The following SLC12A5 variants were observed in gnomAD, a reference collection of about 807,000 sequenced individuals.
SLC12A5 encodes K-Cl cotransporter 2.
A neutral mutation model predicts 124.0 loss-of-function variants in SLC12A5; 18 were observed. The observed-to-expected ratio is 0.15, with a 90% CI of 0.10 to 0.22. The LOEUF (loss-of-function observed/expected upper bound fraction) is 0.22. Among genes scored for constraint, SLC12A5 ranks in the 10% least tolerant of loss-of-function variants. The probability of loss-of-function intolerance (pLI) is 1.00; values close to 1 mark genes in which losing one functional copy is unlikely to be tolerated. For missense variants in SLC12A5, 867 were observed against 1,478.7 expected, an observed-to-expected ratio of 0.59 and a Z score of 6.78; for synonymous variants, 589 against 568.0, an observed-to-expected ratio of 1.04 and a Z score of -0.53.
intron 13 of SLC12A5, 63 bp from the exon 14 acceptor site, chr20:46,046,275 T>C: frequency 7.1e-7 from 1 of 1,415,648 alleles, no homozygotes; most frequent in Non-Finnish European, 1.0e-6. Context: ...CTGCCCATGC[T>C]GTTGTTTCTG....
At chr20:46,034,892 A>G (rs1406114384) in intron 1 of SLC12A5, 56 bp from the exon 2 acceptor site, 14 of 1,521,242 alleles carry the variant, frequency 9.2e-6, no homozygotes, top group African/African-American at 1.4e-5. Context: ...CTGTATGCCC[A>G]GGTGGTTGGA....
Position 46,059,271 on chromosome 20 carries a change from T to A in SLC12A5, c.*1666T>A, listed in dbSNP as rs1004429409. On this transcript the variant is annotated 3_prime_UTR_variant, in exon 26 of 26. Transcript: ENST00000243964. ...GAGTAATCCGGACCTCACCACCTCTTTTCCTTTGAGCCCAAGGCAGAGCTG... is the reference window on the plus strand; with the variant it reads ...GAGTAATCCGGACCTCACCACCTCTATTCCTTTGAGCCCAAGGCAGAGCTG... 6.6e-6 allele frequency: 2 copies of A among 305,090 alleles called. No individual in the cohort carries two copies. Among genetic ancestry groups the A allele is most frequent in the African/African-American group, 4.3e-5 (2 of 46,678 alleles). 18.9% of individuals were successfully genotyped at this position (305,090 alleles called of 1,614,324 possible).
In SLC12A5 at chr20:46,041,432, C is replaced by T. The variant is rs916790849; in HGVS notation, c.958C>T (p.Leu320Phe). 1.5e-5 allele frequency: 24 copies of T among 1,614,038 alleles called. No individual in the cohort carries two copies. Among genetic ancestry groups the T allele is most frequent in the African/African-American group, 8.0e-5 (6 of 74,924 alleles). The part of the protein sequence containing the change: ...NETVTTRLWG[L>F]FCSSRFLNAT... ...GACGGTGACCACACGGCTATGGGGC[C>T]TTTTCTGCTCCTCTCGCTTCCTCAA... Residue 320 changes from leucine to phenylalanine, a missense_variant, in exon 8 of 26, where the codon CTT becomes TTT. By Grantham distance (22) the Leu-to-Phe change is conservative. Transcript: ENST00000243964.
At position 46,037,368 on chromosome 20, in the gene SLC12A5, A is replaced by G. The variant is rs1180292621; in HGVS notation, c.595A>G (p.Thr199Ala). 1.9e-6 allele frequency: 3 copies of G among 1,610,220 alleles called. No homozygotes were observed. The highest frequency in any genetic ancestry group is 1.7e-6 in the Non-Finnish European group (2 of 1,177,848). ...TFAGAMYILGTIEILLAYLFP... is the reference protein window; with the variant it reads ...TFAGAMYILGAIEILLAYLFP... ...TGCAGGAGCCATGTACATCCTGGGC[A>G]CCATCGAAATCCTGCTGGTAAGAGA... is the stretch of plus-strand genomic sequence containing the variant. The change falls in exon 6 of 26, where the codon ACC becomes GCC. Residue 199 changes from threonine to alanine, a missense_variant. By Grantham distance (58) the Thr-to-Ala change is moderately conservative. Transcript: ENST00000243964.
At chr20:46,052,905 G>A in intron 18 of SLC12A5, 52 bp from the exon 19 acceptor site, 1 of 1,533,632 alleles carries the variant, frequency 6.5e-7, no homozygotes, top group Non-Finnish European at 8.8e-7. Flanking sequence ...TGGGTGTTGG[G>A]AGAACCAGAG....
At position 46,056,421 on chromosome 20, in the gene SLC12A5, A is replaced by C; in HGVS notation, c.2967A>C (p.Pro989=). 1 of 1,613,834 alleles carries C rather than the reference A, an allele frequency of 6.2e-7. No homozygotes were observed. Among genetic ancestry groups the C allele is most frequent in the South Asian group, 1.1e-5 (1 of 91,048 alleles). The change falls in exon 23 of 26, where the codon CCA becomes CCC. Residue 989 remains proline (P), a synonymous_variant. Coordinates refer to ENST00000243964, the MANE Select transcript of SLC12A5 (RefSeq NM_020708.5). This position sits in a 1 kb window ranked among gnomAD's most constrained non-coding sequence, Gnocchi z 4.3. ...GCTGCCCCAGCAGCTCCCCGTCCCC[A>C]GGGGAGGAGCCTGAGGGGGAAGGGG... The part of the protein sequence containing the change: ...APSCPSSSPS[P]GEEPEGEGET...
intron 1 of SLC12A5, 37 bp from the exon 2 acceptor site, chr20:46,034,911 G>T: frequency 6.2e-7 from 1 of 1,600,812 alleles, no homozygotes; most frequent in East Asian, 2.2e-5. Context: ...GACAACAACT[G>T]ATTGGTTCCA....
intron 1 of SLC12A5, among the ~76,000 whole-genome samples, chr20:46,030,798 G>T (rs897743262): frequency 2.7e-5 from 4 of 149,124 alleles, no homozygotes; most frequent in African/African-American, 9.9e-5. Context: ...TCCTTTGTCT[G>T]ACTCCCCCCC....
At chr20:46,028,634 G>T (rs1340128447), upstream of SLC12A5, among the ~76,000 whole-genome samples, 1 of 152,060 alleles carries the variant, frequency 6.6e-6, no homozygotes, top group Non-Finnish European at 1.5e-5. Flanking sequence ...GGCTCTACAT[G>T]CCTCCAGCTC....
Position 46,056,950 on chromosome 20 carries a change from T to C in SLC12A5, c.3125+39T>C. ...CATTTTTTCATTCTCTCTCCTAGGA[T>C]GGCCAGGGTCCCTACCCTCCTCACT... On this transcript the variant is annotated intron_variant, in intron 24 of 25. Transcript: ENST00000243964. The surrounding 1 kb of genome is among the most constrained non-coding windows in gnomAD (Gnocchi z 4.3). 1.2e-6 allele frequency: 2 copies of C among 1,614,002 alleles called. No homozygotes were observed. The highest frequency in any genetic ancestry group is 1.7e-6 in the Non-Finnish European group (2 of 1,179,916).
intron 1 of SLC12A5, 38 bp downstream of exon 1, chr20:46,029,434 C>A: frequency 6.5e-7 from 1 of 1,541,028 alleles, no homozygotes; most frequent in South Asian, 1.2e-5. Flanking sequence ...GAGGGGGCAG[C>A]GAGGAGAGGA....
At position 46,057,200 on chromosome 20, in the gene SLC12A5, G is replaced by C. The variant is rs200558731; in HGVS notation, c.3156G>C (p.Thr1052=). 56 of 1,614,078 alleles carry C rather than the reference G, an allele frequency of 3.5e-5. No homozygotes were observed. Among genetic ancestry groups the C allele is most frequent in the Non-Finnish European group, 4.7e-5 (55 of 1,180,058 alleles). Residue 1052 remains threonine (T), a synonymous_variant, in exon 25 of 26, where the codon ACG becomes ACC. Transcript: ENST00000243964. The surrounding 1 kb of genome is among the most constrained non-coding windows in gnomAD (Gnocchi z 7.1). ...LNQSNVRRMH[T]AVRLNEVIVK... ...AGTCCAACGTGCGGCGCATGCACAC[G>C]GCCGTGCGGCTGAACGAGGTCATCG... is the stretch of plus-strand genomic sequence containing the variant.
Position 46,053,053 on chromosome 20 carries a change from G to A in SLC12A5, c.2474G>A (p.Ser825Asn), listed in dbSNP as rs777745429. The stretch of plus-strand genomic sequence containing the variant: ...AACCCTGAGCGCTTCTCTGAGGGCA[G>A]CATCGACGTTTGGTGGATTGTGCAC... Reference protein sequence around the residue: ...PGNPERFSEGSIDVWWIVHDG... With the variant: ...PGNPERFSEGNIDVWWIVHDG... The change falls in exon 19 of 26, where the codon AGC becomes AAC. Residue 825 changes from serine (S) to asparagine (N), a missense_variant. Ser to Asn is a conservative substitution (Grantham distance 46). Transcript: ENST00000243964. This position sits in a 1 kb window ranked among gnomAD's most constrained non-coding sequence, Gnocchi z 4.7. 30 of 1,614,078 alleles carry A rather than the reference G, an allele frequency of 1.9e-5. 2 individuals are homozygous for A. The highest frequency in any genetic ancestry group is 9.9e-5 in the South Asian group (9 of 91,086).
chr20:46,032,471 G>T (rs568115801), intron 1 of SLC12A5, among the ~76,000 whole-genome samples: 1 of 152,364 alleles, frequency 6.6e-6, no homozygotes, highest in African/African-American at 2.4e-5. Flanking sequence ...GGGGAGCCCC[G>T]GCTGGGTGGG....
At position 46,021,981 on chromosome 20, in the gene SLC12A5, C is replaced by CTAA; in HGVS notation, c.48+95_48+96insTAA. The CTAA allele has an allele frequency of 4.8e-6, 5 of 1,047,634 alleles. No individual in the cohort carries two copies. In the South Asian group the frequency reaches 9.0e-5, roughly 19 times the overall value. The allele number at this position is 1,047,634 out of a possible 1,614,324, so 64.9% of individuals were successfully genotyped here. A position where few individuals can be genotyped will look rare whatever the true frequency, so the allele number is the denominator to read the frequency against. On this transcript the variant is annotated intron_variant, in intron 1 of 2. Coordinates refer to the SLC12A5 transcript ENST00000413737. ...CTGTTGAAGGGGGCAGGGCCAAGAC[C>CTAA]GGGGGCGGGGAGGGGTCCCAGCCCT...
chr20:46,045,181 C>A lies in SLC12A5; in HGVS notation c.1569+41C>A, dbSNP rs1411246386. The A allele has an allele frequency of 6.6e-7, 1 of 1,525,162 alleles. No homozygotes were observed. Among genetic ancestry groups the A allele is most frequent in the African/African-American group, 1.4e-5 (1 of 72,712 alleles). The allele number at this position is 1,525,162 out of a possible 1,614,324, so 94.5% of individuals were successfully genotyped here. A position where few individuals can be genotyped will look rare whatever the true frequency, so the allele number is the denominator to read the frequency against. On this transcript the variant is annotated intron_variant, in intron 12 of 25. Coordinates refer to ENST00000243964, the MANE Select transcript of SLC12A5 (RefSeq NM_020708.5). The surrounding 1 kb of genome is among the most constrained non-coding windows in gnomAD (Gnocchi z 4.9). ...GAACAGCCCACCCTCAGTAGACCAGCCAGGCCCCTGCCCAGAGAGACCACA... is the reference window on the plus strand; with the variant it reads ...GAACAGCCCACCCTCAGTAGACCAGACAGGCCCCTGCCCAGAGAGACCACA...
intron 1 of SLC12A5, among the ~76,000 whole-genome samples, chr20:46,032,934 A>G (rs2084466410): frequency 6.6e-6 from 1 of 152,156 alleles, no homozygotes; most frequent in Non-Finnish European, 1.5e-5. Context: ...CTGAGCACCT[A>G]TTATGTGCTG....
Position 46,056,242 on chromosome 20 carries a change from T to C in SLC12A5, c.2880T>C (p.Ala960=), listed in dbSNP as rs760701805. 9 of 1,614,028 alleles carry C rather than the reference T, an allele frequency of 5.6e-6. No homozygotes were observed. The highest frequency in any genetic ancestry group is 3.3e-5 in the South Asian group (3 of 91,088). The change falls in exon 22 of 26, where the codon GCT becomes GCC. Residue 960 remains alanine, a synonymous_variant. Coordinates refer to ENST00000243964, the MANE Select transcript of SLC12A5 (RefSeq NM_020708.5). The surrounding 1 kb of genome is among the most constrained non-coding windows in gnomAD (Gnocchi z 4.3). ...RLRLNVPEET[A]GDSEEKPEEE... ...GCCTGAACGTCCCAGAAGAGACGGC[T>C]GGTGACAGTGAAGAGAAGCCAGAGG...
At chr20:46,038,984 T>C (rs1489237254) in intron 6 of SLC12A5, among the ~76,000 whole-genome samples, 2 of 152,174 alleles carry the variant, frequency 1.3e-5, no homozygotes, top group African/African-American at 4.8e-5. Context: ...TTGTTGTAAA[T>C]GCAATTCTGC....
Sources: allele counts gnomAD v4.1 joint callset (sites outside exome capture counted in the v4.1 genomes callset), GRCh38; gene constraint gnomAD v4.1.1; non-coding constraint Gnocchi (gnomAD v3.1); transcripts MANE v1.5; gene names NCBI Gene and HGNC (gene_info 2026-07-23, HGNC 2026-07-21).